The following MME variants were observed in gnomAD, a reference collection of about 807,000 sequenced individuals.
The protein encoded by MME is neprilysin.
In MME, 98 loss-of-function variants were observed where a neutral mutation model predicts 113.2. The observed-to-expected ratio is 0.87, with a 90% CI of 0.74 to 1.02. The LOEUF (loss-of-function observed/expected upper bound fraction) is 1.02, where lower values mean the gene tolerates loss of function less well. MME is among the 50% of genes least tolerant of loss of function. MME has a pLI of 0.00. For missense variants in MME, 836 were observed against 896.0 expected (o/e 0.93, Z 0.86); for synonymous variants, 292 against 300.6 (o/e 0.97, Z 0.30).
At chr3:155,118,933 A>T in intron 8 of MME, 122 bp downstream of exon 8, 1 of 696,320 alleles carries the variant, frequency 1.4e-6, no homozygotes, top group Non-Finnish European at 2.6e-6. Flanking sequence ...CATGACAGGG[A>T]CTTAAAATCA....
chr3:155,075,327 C>T (rs1176387394), upstream of MME, among the ~76,000 whole-genome samples: 1 of 151,918 alleles, frequency 6.6e-6, no homozygotes, highest in Non-Finnish European at 1.5e-5. Context: ...TTAAGTGTGT[C>T]TCTTTTAAAC....
Position 155,040,905 on chromosome 3 carries a change from T to G in MME, c.-11+16581T>G, listed in dbSNP as rs542767778. ...AGTCAAGGCAAGGCTGATGGTAGTT[T>G]GTTTTTAATTTGTGGCTCAAACCAT... On this transcript the variant is annotated intron_variant, in intron 1 of 22. Coordinates refer to the MME transcript ENST00000492661. Among the ~76,000 whole-genome samples, 29 of 152,320 alleles carry G rather than the reference T, an allele frequency of 1.9e-4. No individual in the cohort carries two copies. In the South Asian group the frequency reaches 4.6e-3, roughly 24 times the overall value.
chr3:155,041,580 G>A (rs527379332), intron 1 of MME, among the ~76,000 whole-genome samples: 256 of 152,236 alleles, frequency 1.7e-3, no homozygotes, highest in Middle Eastern at 3.4e-3. Context: ...ACATGCAATT[G>A]CCACTTTAAT....
chr3:155,027,320 T>C (rs1010666824), intron 1 of MME, among the ~76,000 whole-genome samples: 2 of 152,212 alleles, frequency 1.3e-5, no homozygotes, highest in African/African-American at 4.8e-5. Flanking sequence ...GGAAGAGCTC[T>C]CTAAAATGCA....
At chr3:155,150,359 T>C (rs1430984265) in intron 16 of MME, among the ~76,000 whole-genome samples, 1 of 152,202 alleles carries the variant, frequency 6.6e-6, no homozygotes, top group Non-Finnish European at 1.5e-5. Flanking sequence ...CATTCTTCTC[T>C]TTTTAAGATA....
intron 1 of MME, among the ~76,000 whole-genome samples, chr3:155,058,362 C>T (rs1714011791): frequency 6.6e-6 from 1 of 152,178 alleles, no homozygotes; most frequent in South Asian, 2.1e-4. Flanking sequence ...CTACCCCTAC[C>T]ACTAAGACTC....
intron 8 of MME, among the ~76,000 whole-genome samples, chr3:155,129,950 T>A (rs1720007379): frequency 6.6e-6 from 1 of 151,970 alleles, no homozygotes; most frequent in Admixed American, 6.6e-5. Context: ...GACCTTAATT[T>A]TCTTAAGAAA....
chr3:155,059,526 C>T (rs1275647031), intron 1 of MME, among the ~76,000 whole-genome samples: 1 of 151,946 alleles, frequency 6.6e-6, no homozygotes. Flanking sequence ...AATTAGTAAA[C>T]GGTGGGACAG....
At chr3:155,147,300 C>G in intron 15 of MME, 76 bp downstream of exon 15, 2 of 911,842 alleles carry the variant, frequency 2.2e-6, no homozygotes, top group Non-Finnish European at 3.7e-6. Flanking sequence ...CTATGGGGTG[C>G]CTGAAATTAT....
At chr3:155,062,439 T>G (rs79183877) in intron 1 of MME, among the ~76,000 whole-genome samples, 6,632 of 152,316 alleles carry the variant, frequency 0.044, 157 homozygotes, top group African/African-American at 0.052. Flanking sequence ...TTTTTAGTTC[T>G]ATGAGTTCAA....
chr3:155,174,075 G>A (rs1027992872), intron 22 of MME, among the ~76,000 whole-genome samples: 2 of 151,960 alleles, frequency 1.3e-5, no homozygotes, highest in African/African-American at 2.4e-5. Context: ...TATGCATTTT[G>A]TAATAGTTCC....
intron 1 of MME, among the ~76,000 whole-genome samples, chr3:155,066,369 C>A (rs571913104): frequency 1.3e-5 from 2 of 152,184 alleles, no homozygotes; most frequent in African/African-American, 4.8e-5. Context: ...ATATGAGTTG[C>A]TCTAGTTGAT....
chr3:155,108,596 C>CAA (rs1171566927), intron 3 of MME, among the ~76,000 whole-genome samples: 102 of 86,678 alleles, frequency 1.2e-3, no homozygotes, highest in African/African-American at 4.0e-3. Flanking sequence ...GACTTCATCT[C>CAA]AAAAAAAAAA....
chr3:155,044,730 C>T (rs560441047), intron 1 of MME, among the ~76,000 whole-genome samples: 2 of 152,228 alleles, frequency 1.3e-5, no homozygotes, highest in East Asian at 3.9e-4. Context: ...TATTCAACAT[C>T]TATTGGGTTG....
intron 3 of MME, chr3:155,112,920 A>C (rs1718304594): frequency 6.6e-6 from 1 of 152,238 alleles, no homozygotes. Flanking sequence ...TAGACAGAGT[A>C]GGTATTTACA....
chr3:155,118,871 G>C, intron 8 of MME, 60 bp downstream of exon 8: 2 of 1,114,796 alleles, frequency 1.8e-6, no homozygotes, highest in South Asian at 1.4e-5. Flanking sequence ...AAACCTACAA[G>C]TAATGAAAAA....
At chr3:155,084,765 A>G (rs890827179) in intron 2 of MME, among the ~76,000 whole-genome samples, 15 of 152,244 alleles carry the variant, frequency 9.9e-5, no homozygotes, top group Non-Finnish European at 1.6e-4. Context: ...GGTTAAAAAA[A>G]TGATTACCAA....
intron 1 of MME, among the ~76,000 whole-genome samples, chr3:155,068,829 A>T (rs1183682583): frequency 6.6e-6 from 1 of 152,240 alleles, no homozygotes; most frequent in Non-Finnish European, 1.5e-5. Flanking sequence ...TAATGTTCAA[A>T]ATGTTAGTAT....
At chr3:155,147,333 G>T in intron 15 of MME, 109 bp downstream of exon 15, 1 of 752,356 alleles carries the variant, frequency 1.3e-6, no homozygotes, top group South Asian at 1.4e-5. Context: ...GAAACCACAG[G>T]TTGTATTATA....
Sources: allele counts gnomAD v4.1 joint callset (sites outside exome capture counted in the v4.1 genomes callset), GRCh38; gene constraint gnomAD v4.1.1; transcripts MANE v1.5; gene names NCBI Gene and HGNC (gene_info 2026-07-23, HGNC 2026-07-21).